The following MAPK10 variants were observed in gnomAD, a reference collection of about 807,000 sequenced individuals.
MAPK10 encodes mitogen-activated protein kinase 10.
In MAPK10, 25 loss-of-function variants were observed where a neutral mutation model predicts 59.3. The ratio of observed to expected loss-of-function variants is 0.42; its 90% CI spans 0.31 to 0.59. The LOEUF (loss-of-function observed/expected upper bound fraction) is 0.59, where lower values mean the gene tolerates loss of function less well. MAPK10 is among the 20% of genes least tolerant of loss of function. The pLI is 0.15. For missense variants in MAPK10, 351 were observed against 568.9 expected (o/e 0.62, Z 3.90); for synonymous variants, 190 against 200.5 (o/e 0.95, Z 0.44).
chr4:86,080,183 A>C (rs1214185328), intron 9 of MAPK10: 2 of 152,048 alleles, frequency 1.3e-5, no homozygotes, highest in African/African-American at 2.4e-5. Flanking sequence ...TATTCGAAGA[A>C]ACGACAGCTG....
upstream of MAPK10, among the ~76,000 whole-genome samples, chr4:86,360,497 G>A (rs1017093061): frequency 2.0e-5 from 3 of 152,092 alleles, no homozygotes; most frequent in African/African-American, 7.2e-5. Context: ...TTTGAGTGTC[G>A]CCTGAACCCC....
intron 1 of MAPK10, among the ~76,000 whole-genome samples, chr4:86,524,902 C>T (rs1757364180): frequency 6.6e-6 from 1 of 151,586 alleles, no homozygotes; most frequent in Admixed American, 6.6e-5. Flanking sequence ...TGGTACCTGC[C>T]ATATATGAAA....
At chr4:86,334,618 T>C (rs1719941301) in intron 2 of MAPK10, among the ~76,000 whole-genome samples, 1 of 152,072 alleles carries the variant, frequency 6.6e-6, no homozygotes, top group South Asian at 2.1e-4. Context: ...ACATATGCTG[T>C]TTCCTCAGCC....
intron 2 of MAPK10, among the ~76,000 whole-genome samples, chr4:86,211,033 A>T (rs1434521980): frequency 7.0e-6 from 1 of 143,030 alleles, no homozygotes; most frequent in East Asian, 1.9e-4. Flanking sequence ...AAAATTATTA[A>T]TTATGAAGAA....
At chr4:86,202,872 C>A (rs529205798) in intron 2 of MAPK10, among the ~76,000 whole-genome samples, 1 of 151,940 alleles carries the variant, frequency 6.6e-6, no homozygotes, top group African/African-American at 2.4e-5. Flanking sequence ...AAAGTCACTG[C>A]GTAACCTTCT....
At position 86,162,287 on chromosome 4, in the gene MAPK10, T is replaced by C. The variant is rs573876832; in HGVS notation, c.67-2820A>G. 3.3e-5 allele frequency among the ~76,000 whole-genome samples: 5 copies of C among 152,010 alleles called. No individual in the cohort carries two copies. In the South Asian group the frequency reaches 1.0e-3, roughly 31 times the overall value. On this transcript the variant is annotated intron_variant, in intron 3 of 13. Transcript: ENST00000641462. Reference sequence around the variant, plus strand: ...ATAATATATATTCTGGAATAGAGTATTGCAATGGCAGTATATGTGCCATAG... The same window carrying C: ...ATAATATATATTCTGGAATAGAGTACTGCAATGGCAGTATATGTGCCATAG...
chr4:86,301,492 G>A (rs867281781), intron 2 of MAPK10, among the ~76,000 whole-genome samples: 41 of 152,032 alleles, frequency 2.7e-4, no homozygotes, highest in Middle Eastern at 6.8e-3. Context: ...ACAGCCATAC[G>A]TAACTGTCAA....
chr4:86,326,231 G>A (rs17409637), intron 2 of MAPK10: 42,001 of 152,080 alleles, frequency 0.28, 6,546 homozygotes, highest in Non-Finnish European at 0.35. Flanking sequence ...GCAGGGTCTC[G>A]GGTTCACAGG....
intron 1 of MAPK10, among the ~76,000 whole-genome samples, chr4:86,387,270 A>G (rs1741592202): frequency 6.6e-6 from 1 of 152,172 alleles, no homozygotes; most frequent in Non-Finnish European, 1.5e-5. Context: ...CCAAGAGCAC[A>G]ACGGAAGCAC....
At chr4:86,360,630 G>C (rs1282497057), upstream of MAPK10, among the ~76,000 whole-genome samples, 1 of 151,888 alleles carries the variant, frequency 6.6e-6, no homozygotes, top group Non-Finnish European at 1.5e-5. Context: ...AGTGTACAAA[G>C]AAAATACTGA....
intron 1 of MAPK10, among the ~76,000 whole-genome samples, chr4:86,587,648 C>T (rs1005206448): frequency 6.6e-5 from 10 of 152,162 alleles, no homozygotes; most frequent in Non-Finnish European, 1.3e-4. Flanking sequence ...AAAACACTAA[C>T]ATAGTTGGTA....
intron 1 of MAPK10, among the ~76,000 whole-genome samples, chr4:86,413,950 T>C (rs535341697): frequency 1.3e-5 from 2 of 152,304 alleles, no homozygotes; most frequent in Non-Finnish European, 2.9e-5. Context: ...CCCAGTGAGA[T>C]GAACCAGGTA....
chr4:86,305,342 T>C (rs1222995511), intron 2 of MAPK10, among the ~76,000 whole-genome samples: 3 of 152,208 alleles, frequency 2.0e-5, no homozygotes, highest in Non-Finnish European at 4.4e-5. Flanking sequence ...ATTCTTACTG[T>C]TTTGTTTTAA....
intron 11 of MAPK10, among the ~76,000 whole-genome samples, chr4:86,039,116 C>T (rs763873892): frequency 2.6e-5 from 4 of 152,166 alleles, no homozygotes; most frequent in Non-Finnish European, 5.9e-5. Flanking sequence ...GAGGAGATGT[C>T]AGCAAGATGA....
chr4:86,532,054 T>G (rs1757891662), intron 1 of MAPK10, among the ~76,000 whole-genome samples: 1 of 147,776 alleles, frequency 6.8e-6, no homozygotes, highest in South Asian at 2.1e-4. Context: ...TATATATTAT[T>G]TTTTATATAT....
chr4:86,476,392 G>A (rs1753096383), intron 1 of MAPK10, among the ~76,000 whole-genome samples: 1 of 152,076 alleles, frequency 6.6e-6, no homozygotes, highest in South Asian at 2.1e-4. Context: ...AAGGTGGCTG[G>A]AGCTAAAGGC....
chr4:86,069,632 A>G (rs965149027), intron 9 of MAPK10, among the ~76,000 whole-genome samples: 2 of 152,082 alleles, frequency 1.3e-5, no homozygotes, highest in Non-Finnish European at 2.9e-5. Flanking sequence ...AATAAAACCT[A>G]AGTGCTTGTC....
intron 9 of MAPK10, among the ~76,000 whole-genome samples, chr4:86,097,275 C>T (rs2054415026): frequency 6.6e-6 from 1 of 151,944 alleles, no homozygotes; most frequent in Non-Finnish European, 1.5e-5. Context: ...AATATGTCAT[C>T]ACTCTTACAT....
intron 9 of MAPK10, among the ~76,000 whole-genome samples, chr4:86,090,032 GTC>G (rs1311097646): frequency 6.6e-6 from 1 of 152,098 alleles, no homozygotes; most frequent in East Asian, 1.9e-4. Flanking sequence ...AATTATAATG[GTC>G]TCTCTGTTAT....
Sources: allele counts gnomAD v4.1 joint callset (sites outside exome capture counted in the v4.1 genomes callset), GRCh38; gene constraint gnomAD v4.1.1; transcripts MANE v1.5; gene names NCBI Gene and HGNC (gene_info 2026-07-23, HGNC 2026-07-21).